The following MNAT1 variants were observed in gnomAD, a reference collection of about 807,000 sequenced individuals.
The protein encoded by MNAT1 is MNAT1 component of CDK activating kinase, also known as CDK-activating kinase assembly factor MAT1.
Under a neutral mutation model 42.0 loss-of-function variants are expected in MNAT1, and 43 were observed. The observed-to-expected ratio is 1.02, with a 90% CI of 0.80 to 1.32. MNAT1 has a LOEUF of 1.32. Ranked by LOEUF, MNAT1 falls within the 40% of genes most tolerant of loss-of-function variation. The probability of loss-of-function intolerance (pLI) is 0.00; values close to 1 mark genes in which losing one functional copy is unlikely to be tolerated. For synonymous variants in MNAT1, 118 were observed against 120.0 expected (o/e 0.98, Z 0.11); for missense variants, 306 against 350.4 (o/e 0.87, Z 1.01).
chr14:60,876,280 G>A (rs2139457966), intron 6 of MNAT1, among the ~76,000 whole-genome samples: 1 of 152,108 alleles, frequency 6.6e-6, no homozygotes, highest in Non-Finnish European at 1.5e-5. Flanking sequence ...AAAGGCTGTG[G>A]AACATGGAGG....
chr14:60,843,154 G>A (rs1667380161), intron 6 of MNAT1, among the ~76,000 whole-genome samples: 1 of 152,118 alleles, frequency 6.6e-6, no homozygotes, highest in Non-Finnish European at 1.5e-5. Flanking sequence ...CATATTTAAT[G>A]TTGTCAATCT....
chr14:60,768,288 C>G (rs2030915669), intron 1 of MNAT1, among the ~76,000 whole-genome samples: 1 of 152,146 alleles, frequency 6.6e-6, no homozygotes, highest in Admixed American at 6.5e-5. Context: ...ATTAAGAGCT[C>G]CGGAATGTGT....
chr14:60,822,189 C>T (rs1167130336), intron 6 of MNAT1, among the ~76,000 whole-genome samples: 2 of 152,068 alleles, frequency 1.3e-5, no homozygotes, highest in African/African-American at 4.8e-5. Flanking sequence ...AACCTTTTTT[C>T]ACCTAGACAG....
At chr14:60,748,324 T>G (rs1256075372) in intron 1 of MNAT1, among the ~76,000 whole-genome samples, 1 of 152,180 alleles carries the variant, frequency 6.6e-6, no homozygotes, top group Non-Finnish European at 1.5e-5. Context: ...TTGACATCCC[T>G]GGCTTAAGCA....
intron 7 of MNAT1, among the ~76,000 whole-genome samples, chr14:60,911,892 C>T (rs956030504): frequency 2.6e-5 from 4 of 151,912 alleles, no homozygotes; most frequent in Non-Finnish European, 4.4e-5. Context: ...CTTTCTGTCT[C>T]GTTGATCTGT....
intron 1 of MNAT1, 142 bp from the exon 2 acceptor site, chr14:60,796,075 C>T: frequency 1.5e-6 from 1 of 650,938 alleles, no homozygotes; most frequent in Non-Finnish European, 2.3e-6. Flanking sequence ...GAACATTTTC[C>T]AGAAAGTTTT....
chr14:60,805,875 A>G (rs1009233698), intron 3 of MNAT1, among the ~76,000 whole-genome samples: 1 of 152,158 alleles, frequency 6.6e-6, no homozygotes, highest in Non-Finnish European at 1.5e-5. Flanking sequence ...TGTGTTTTCA[A>G]TTCATTTGGA....
intron 1 of MNAT1, among the ~76,000 whole-genome samples, chr14:60,790,044 G>C (rs1384492311): frequency 6.6e-6 from 1 of 152,002 alleles, no homozygotes; most frequent in Admixed American, 6.6e-5. Context: ...TGAGTATGTT[G>C]AGTTTGAGGT....
At chr14:60,851,816 C>A (rs769370531) in intron 6 of MNAT1, among the ~76,000 whole-genome samples, 1 of 152,104 alleles carries the variant, frequency 6.6e-6, no homozygotes, top group Non-Finnish European at 1.5e-5. Flanking sequence ...GTTTTCTGAT[C>A]CTGTGTTAGT....
At chr14:60,737,880 G>A (rs1240699023) in intron 1 of MNAT1, among the ~76,000 whole-genome samples, 1 of 146,220 alleles carries the variant, frequency 6.8e-6, no homozygotes, top group Non-Finnish European at 1.5e-5. Context: ...AAGGAGTCTC[G>A]CTCTGTCGCC....
chr14:60,880,727 C>T (rs2139464781), intron 7 of MNAT1, among the ~76,000 whole-genome samples: 1 of 152,236 alleles, frequency 6.6e-6, no homozygotes, highest in African/African-American at 2.4e-5. Flanking sequence ...ATGTGAACAT[C>T]AAGGCTCCAA....
chr14:60,953,112 G>GAGGC (rs2036414732), intron 7 of MNAT1, among the ~76,000 whole-genome samples: 1 of 152,158 alleles, frequency 6.6e-6, no homozygotes, highest in Admixed American at 6.5e-5. Flanking sequence ...AGTGGAAGGA[G>GAGGC]AGGCAGTGAG....
At chr14:60,756,932 C>G (rs2030380893) in intron 1 of MNAT1, among the ~76,000 whole-genome samples, 1 of 152,108 alleles carries the variant, frequency 6.6e-6, no homozygotes, top group Admixed American at 6.6e-5. Flanking sequence ...CCTACAGTTT[C>G]TCTTGAATTT....
At chr14:60,866,786 TACTA>T (rs1161608156) in intron 6 of MNAT1, among the ~76,000 whole-genome samples, 2 of 152,232 alleles carry the variant, frequency 1.3e-5, no homozygotes, top group African/African-American at 4.8e-5. Context: ...TCTTTAATGA[TACTA>T]ACCTTTTACT....
chr14:60,798,940 C>G (rs2032111442), intron 3 of MNAT1, among the ~76,000 whole-genome samples: 1 of 151,940 alleles, frequency 6.6e-6, no homozygotes, highest in Non-Finnish European at 1.5e-5. Context: ...TAACTGTACT[C>G]AATATTTACT....
intron 1 of MNAT1, among the ~76,000 whole-genome samples, chr14:60,783,955 A>G (rs2031552279): frequency 6.6e-6 from 1 of 151,214 alleles, no homozygotes; most frequent in South Asian, 2.1e-4. Flanking sequence ...TCAGCCTCCC[A>G]AGTAGCTGGG....
chr14:60,869,192 G>A (rs1332920993), intron 6 of MNAT1, among the ~76,000 whole-genome samples: 1 of 149,140 alleles, frequency 6.7e-6, no homozygotes. Flanking sequence ...GCCATGCCCA[G>A]CTAATTTTTT....
intron 7 of MNAT1, among the ~76,000 whole-genome samples, chr14:60,916,818 T>C (rs1051452829): frequency 6.6e-6 from 1 of 152,082 alleles, no homozygotes; most frequent in African/African-American, 2.4e-5. Flanking sequence ...CCAGGTGCGG[T>C]TGTGCATGCC....
rs1484224413 is a variant in MNAT1, at chr14:60,879,760, T to C, written c.734T>C (p.Leu245Pro). The C allele has an allele frequency of 1.2e-6, 2 of 1,613,116 alleles. No homozygotes were observed. Among genetic ancestry groups the C allele is most frequent in the Non-Finnish European group, 1.7e-6 (2 of 1,179,414 alleles). The change falls in exon 7 of 8, where the codon CTG (leucine) becomes CCG (proline). Residue 245 changes from leucine to proline, a missense_variant. By Grantham distance (98) the Leu-to-Pro change is moderately conservative (BLOSUM62 -3). Around this residue, in one of 3 missense-constraint regions of MNAT1, gnomAD observed 116 missense variants for 139.6 expected, o/e 0.83. Transcript: ENST00000261245. ...CCTATTCACAAGCTTGAAGAAGCTC[T>C]GTATGAATACCAGCCACTGCAGATA... ...LAPIHKLEEA[L>P]YEYQPLQIET...
Sources: allele counts gnomAD v4.1 joint callset (sites outside exome capture counted in the v4.1 genomes callset), GRCh38; gene constraint gnomAD v4.1.1; regional missense constraint gnomAD v4.1.1; transcripts MANE v1.5; gene names NCBI Gene and HGNC (gene_info 2026-07-23, HGNC 2026-07-21).